Variants in TRPC4 observed in about 807,000 individuals in gnomAD.
TRPC4 encodes the protein transient receptor potential cation channel subfamily C member 4.
Under a neutral mutation model 99.4 loss-of-function variants are expected in TRPC4, and 49 were observed. The ratio of observed to expected loss-of-function variants is 0.49; its 90% confidence interval spans 0.39 to 0.63. The LOEUF (loss-of-function observed/expected upper bound fraction) is 0.63. TRPC4 is among the 20% of genes least tolerant of loss of function. The pLI is 0.00. For missense variants in TRPC4, 898 were observed against 1,152.9 expected (o/e 0.78, Z 3.20); for synonymous variants, 454 against 425.9 (o/e 1.07, Z -0.81).
chr13:37,643,113 T>A (rs556889604), intron 8 of TRPC4, among the ~76,000 whole-genome samples: 2 of 152,324 alleles, frequency 1.3e-5, no homozygotes, highest in South Asian at 4.1e-4. Flanking sequence ...ATCTGAGTCC[T>A]GGGATATTTC....
Position 37,692,153 on chromosome 13 carries a change from C to T in TRPC4, c.1080G>A (p.Arg360=). Residue 360 remains arginine (R), a synonymous_variant, in exon 4 of 11, where the codon AGG becomes AGA. Coordinates refer to ENST00000379705, the MANE Select transcript of TRPC4 (RefSeq NM_016179.4). The part of the protein sequence containing the change: ...APKSPLGLFI[R]KPFIKFICHT... Reference sequence around the variant, plus strand: ...GGCAGATAAACTTGATAAATGGCTTCCTGATGAACAGTCCAAGTGGGCTTT... The same window carrying T: ...GGCAGATAAACTTGATAAATGGCTTTCTGATGAACAGTCCAAGTGGGCTTT... 6.2e-7 allele frequency: 1 copy of T among 1,614,084 alleles called. No homozygotes were observed. The highest frequency in any genetic ancestry group is 8.5e-7 in the Non-Finnish European group (1 of 1,180,004).
rs1176146552 is a variant in TRPC4, at chr13:37,709,977, G to C, written c.898-17642C>G. On this transcript the variant is annotated intron_variant, in intron 3 of 10. Coordinates refer to ENST00000379705, the MANE Select transcript of TRPC4 (RefSeq NM_016179.4). ...ATTGCTGCATATCATGGAAGGAGAG[G>C]CTGTGCCTATACATAGGACAGATGA... Among the ~76,000 whole-genome samples the C allele has an allele frequency of 5.9e-5, 9 of 151,928 alleles. No homozygotes were observed. In the South Asian group the frequency reaches 1.7e-3, roughly 28 times the overall value.
rs915407347 is a variant in TRPC4 at position 37,636,072 on chromosome 13, T to C, written c.*831A>G. On this transcript the variant is annotated 3_prime_UTR_variant, in exon 11 of 11. Transcript: ENST00000379705. ...TAATCATCTTGCTTGTTTAAGATAC[T>C]TACAATATTATGGTTTATTATTTTT... is the stretch of plus-strand genomic sequence containing the variant. Among the ~76,000 whole-genome samples, 8 of 152,096 alleles carry C rather than the reference T, an allele frequency of 5.3e-5. No individual in the cohort carries two copies. The highest frequency in any genetic ancestry group is 1.7e-4 in the African/African-American group (7 of 41,438).
chr13:37,676,458 C>T (rs1275153051), intron 4 of TRPC4, among the ~76,000 whole-genome samples: 10 of 151,452 alleles, frequency 6.6e-5, no homozygotes, highest in Non-Finnish European at 1.5e-4. Flanking sequence ...CTACAATCTC[C>T]GCCTCCTGGG....
chr13:37,692,991 C>T (rs1261636696), intron 3 of TRPC4, among the ~76,000 whole-genome samples: 1 of 152,112 alleles, frequency 6.6e-6, no homozygotes, highest in Non-Finnish European at 1.5e-5. Flanking sequence ...ACCTAATTGC[C>T]TTATACAAAA....
At chr13:37,639,760 TAATATCAATC>T in intron 8 of TRPC4, among the ~76,000 whole-genome samples, 1 of 150,694 alleles carries the variant, frequency 6.6e-6, no homozygotes, top group Non-Finnish European at 1.5e-5. Context: ...TATATATATA[TAATATCAATC>T]ATATATACAG....
intron 5 of TRPC4, 23 bp from the exon 6 acceptor site, chr13:37,663,752 G>T: frequency 6.3e-7 from 1 of 1,576,670 alleles, no homozygotes; most frequent in Non-Finnish European, 8.6e-7. Flanking sequence ...GAGAAACAAA[G>T]GGAAAGTAAA....
At chr13:37,705,680 T>G (rs1954251289) in intron 3 of TRPC4, among the ~76,000 whole-genome samples, 1 of 152,108 alleles carries the variant, frequency 6.6e-6, no homozygotes, top group African/African-American at 2.4e-5. Context: ...CATGGACCAT[T>G]CTGCTGAGAT....
At chr13:37,646,014 G>A (rs1372225735) in intron 8 of TRPC4, among the ~76,000 whole-genome samples, 10 of 152,282 alleles carry the variant, frequency 6.6e-5, no homozygotes, top group South Asian at 2.1e-4. Flanking sequence ...CCTACTAAGC[G>A]TCCTAAAGAT....
chr13:37,723,132 T>C (rs976722485), intron 3 of TRPC4, among the ~76,000 whole-genome samples: 1 of 152,126 alleles, frequency 6.6e-6, no homozygotes, highest in Non-Finnish European at 1.5e-5. Flanking sequence ...TGGGGAAATA[T>C]AGGAGAACAT....
In TRPC4 at chr13:37,746,239, T is replaced by A; in HGVS notation, c.595A>T (p.Ile199Phe). The change falls in exon 3 of 11, where the codon ATC (isoleucine) becomes TTC (phenylalanine). Residue 199 changes from isoleucine (I) to phenylalanine (F), a missense_variant. By Grantham distance (21) the Ile-to-Phe change is conservative. This residue lies in a region of TRPC4 where 278 missense variants were observed against 346.6 expected (regional missense o/e 0.80). Transcript: ENST00000379705. ...SLRHSRSRLN[I>F]YKALASPSLI... ...GAGGGACTGGCCAAGGCCTTGTAGA[T>A]GTTGAGTCTGGAGCGTGAGTGACGG... is the stretch of plus-strand genomic sequence containing the variant. 1 of 1,613,848 alleles carries A rather than the reference T, an allele frequency of 6.2e-7. No homozygotes were observed. Among genetic ancestry groups the A allele is most frequent in the Non-Finnish European group, 8.5e-7 (1 of 1,179,888 alleles).
intron 2 of TRPC4, among the ~76,000 whole-genome samples, chr13:37,770,606 G>C (rs957587092): frequency 1.8e-4 from 28 of 151,540 alleles, no homozygotes; most frequent in African/African-American, 6.5e-4. Flanking sequence ...GGTAATTTAA[G>C]TTGAGGTCAG....
At chr13:37,815,993 C>T (rs541228429) in intron 1 of TRPC4, among the ~76,000 whole-genome samples, 1 of 151,926 alleles carries the variant, frequency 6.6e-6, no homozygotes, top group African/African-American at 2.4e-5. Flanking sequence ...AAACAACCTA[C>T]TCAAGAATGA....
intron 2 of TRPC4, among the ~76,000 whole-genome samples, chr13:37,772,377 C>T (rs899286371): frequency 6.6e-6 from 1 of 151,404 alleles, no homozygotes; most frequent in Non-Finnish European, 1.5e-5. Flanking sequence ...AATGAACAAA[C>T]GTTAAAGAGA....
In TRPC4 at chr13:37,768,663, AACACACACGC is replaced by A. The variant is rs1404907076; in HGVS notation, c.378+14283_378+14292del. ...TTTAATGTGCAAATACACACATACG[AACACACACGC>A]ACACACACACACACACACACACATC... On this transcript the variant is annotated intron_variant, in intron 2 of 10. Coordinates refer to ENST00000379705, the MANE Select transcript of TRPC4 (RefSeq NM_016179.4). Among the ~76,000 whole-genome samples, 450 of 142,754 alleles carry A rather than the reference AACACACACGC, an allele frequency of 3.2e-3. 1 individual carries two copies. Among genetic ancestry groups the A allele is most frequent in the Middle Eastern group, 0.018 (5 of 284 alleles). 93.7% of individuals were successfully genotyped at this position (142,754 alleles called of 152,430 possible).
intron 1 of TRPC4, among the ~76,000 whole-genome samples, chr13:37,825,557 T>C (rs1443533723): frequency 6.6e-6 from 1 of 151,074 alleles, no homozygotes. Context: ...GAGCAGGTTG[T>C]TCAGTTTCCA....
intron 8 of TRPC4, among the ~76,000 whole-genome samples, chr13:37,648,056 C>T (rs1024794026): frequency 3.3e-5 from 5 of 152,132 alleles, no homozygotes; most frequent in African/African-American, 7.2e-5. Context: ...GATTCTTCTT[C>T]CTCAGCCTCC....
chr13:37,692,632 G>A (rs187595888), intron 3 of TRPC4, among the ~76,000 whole-genome samples: 15 of 152,246 alleles, frequency 9.9e-5, no homozygotes, highest in Admixed American at 2.0e-4. Context: ...CAAAAGATAC[G>A]CTGATAAGTG....
Position 37,709,312 on chromosome 13 carries a change from A to C in TRPC4, c.898-16977T>G, listed in dbSNP as rs549254184. ...TCTGTTCAATACCTGGATTTTAAGA[A>C]AATCCAAAACATCATGAGGAAGTGT... is the stretch of plus-strand genomic sequence containing the variant. On this transcript the variant is annotated intron_variant, in intron 3 of 10. Coordinates refer to ENST00000379705, the MANE Select transcript of TRPC4 (RefSeq NM_016179.4). 6.6e-5 allele frequency among the ~76,000 whole-genome samples: 10 copies of C among 152,152 alleles called. No homozygotes were observed. In the South Asian group the frequency reaches 2.1e-3, roughly 32 times the overall value.
Sources: allele counts gnomAD v4.1 joint callset (sites outside exome capture counted in the v4.1 genomes callset), GRCh38; gene constraint gnomAD v4.1.1; regional missense constraint gnomAD v4.1.1; transcripts MANE v1.5; gene names NCBI Gene and HGNC (gene_info 2026-07-23, HGNC 2026-07-21).